GPC6: variants seen among roughly 807,000 people sequenced by gnomAD.
The protein encoded by GPC6 is glypican-6.
GPC6 carries 14 observed loss-of-function variants against 55.2 expected under a neutral mutation model. That is an observed-to-expected ratio of 0.25 (90% CI 0.17 to 0.40). GPC6 has a LOEUF of 0.40. GPC6 is among the 10% of genes least tolerant of loss of function. GPC6 has a pLI of 1.00. For missense variants in GPC6, 641 were observed against 708.5 expected, an observed-to-expected ratio of 0.90 and a Z score of 1.08; for synonymous variants, 278 against 259.6, an observed-to-expected ratio of 1.07 and a Z score of -0.68.
intron 1 of GPC6, among the ~76,000 whole-genome samples, chr13:93,509,079 C>T (rs1227096034): frequency 6.6e-6 from 1 of 152,098 alleles, no homozygotes; most frequent in Non-Finnish European, 1.5e-5. Context: ...GTTCCAGTGA[C>T]TTGAGCACAT....
Position 93,361,255 on chromosome 13 carries a change from G to A in GPC6, c.160+133639G>A, listed in dbSNP as rs1026729116. Among the ~76,000 whole-genome samples, 5 of 152,050 alleles carry A rather than the reference G, an allele frequency of 3.3e-5. No individual in the cohort carries two copies. In the South Asian group the frequency reaches 6.2e-4, roughly 19 times the overall value. On this transcript the variant is annotated intron_variant, in intron 1 of 8. Coordinates refer to ENST00000377047, the MANE Select transcript of GPC6 (RefSeq NM_005708.5). ...CCCTAGGAACCAAGATGAGTTTCCCGCTCAAACAGAGAAAATGTTCAAAAC... is the reference window on the plus strand; with the variant it reads ...CCCTAGGAACCAAGATGAGTTTCCCACTCAAACAGAGAAAATGTTCAAAAC...
At chr13:93,566,643 G>A (rs771958487) in intron 2 of GPC6, among the ~76,000 whole-genome samples, 2 of 151,446 alleles carry the variant, frequency 1.3e-5, no homozygotes, top group African/African-American at 2.4e-5. Context: ...GTAAGCATGT[G>A]CCATGGTGGT....
chr13:93,376,331 CAT>C (rs915729108), intron 1 of GPC6, among the ~76,000 whole-genome samples: 2 of 151,988 alleles, frequency 1.3e-5, no homozygotes, highest in African/African-American at 4.8e-5. Flanking sequence ...AGCATATAGT[CAT>C]ATAAAAGTGA....
At chr13:94,004,984 C>T (rs1222010224) in intron 3 of GPC6, among the ~76,000 whole-genome samples, 1 of 152,092 alleles carries the variant, frequency 6.6e-6, no homozygotes, top group Non-Finnish European at 1.5e-5. Flanking sequence ...ATCGCTTAAA[C>T]CCCAGGGGGA....
At chr13:94,101,586 GGTCT>G (rs1885863066) in intron 4 of GPC6, among the ~76,000 whole-genome samples, 1 of 152,134 alleles carries the variant, frequency 6.6e-6, no homozygotes, top group Non-Finnish European at 1.5e-5. Context: ...TTATATGAAA[GGTCT>G]TATAGTAACA....
At chr13:93,380,343 A>T (rs1409894593) in intron 1 of GPC6, among the ~76,000 whole-genome samples, 2 of 152,126 alleles carry the variant, frequency 1.3e-5, no homozygotes, top group Non-Finnish European at 2.9e-5. Flanking sequence ...GGGGAAATAG[A>T]CTCAGGATAA....
intron 6 of GPC6, among the ~76,000 whole-genome samples, chr13:94,313,479 CTCTT>C (rs1876364092): frequency 6.6e-6 from 1 of 152,144 alleles, no homozygotes; most frequent in Non-Finnish European, 1.5e-5. Context: ...ACATAGACCT[CTCTT>C]TCAGTCCTGG....
intron 2 of GPC6, among the ~76,000 whole-genome samples, chr13:93,672,666 T>TAC (rs1179084338): frequency 2.7e-5 from 4 of 150,708 alleles, no homozygotes; most frequent in Admixed American, 6.7e-5. Context: ...GCCATATATA[T>TAC]ATACACACAC....
chr13:93,298,106 A>G (rs921329346), intron 1 of GPC6, among the ~76,000 whole-genome samples: 5 of 152,206 alleles, frequency 3.3e-5, no homozygotes, highest in African/African-American at 1.2e-4. Context: ...CAGACCAAAA[A>G]TCAGTCACTT....
intron 1 of GPC6, among the ~76,000 whole-genome samples, chr13:93,401,141 G>A (rs564028612): frequency 6.7e-6 from 1 of 148,948 alleles, no homozygotes; most frequent in South Asian, 2.2e-4. Flanking sequence ...AGGCAGAAGG[G>A]CAGAGGTATT....
At chr13:93,677,873 A>G (rs1432269283) in intron 2 of GPC6, among the ~76,000 whole-genome samples, 1 of 152,164 alleles carries the variant, frequency 6.6e-6, no homozygotes, top group Non-Finnish European at 1.5e-5. Context: ...TAAAATGGAT[A>G]ATACTGATAC....
intron 4 of GPC6, among the ~76,000 whole-genome samples, chr13:94,142,102 C>G (rs143750496): frequency 6.6e-6 from 1 of 152,018 alleles, no homozygotes; most frequent in Non-Finnish European, 1.5e-5. Context: ...GTTGCTGTTG[C>G]TCTTTTATGG....
chr13:93,575,143 A>G (rs1377946210), intron 2 of GPC6, among the ~76,000 whole-genome samples: 1 of 152,050 alleles, frequency 6.6e-6, no homozygotes, highest in African/African-American at 2.4e-5. Context: ...AAAATACAAA[A>G]ATTAGCAGGG....
intron 3 of GPC6, among the ~76,000 whole-genome samples, chr13:93,857,922 G>A (rs1888677212): frequency 6.6e-6 from 1 of 151,428 alleles, no homozygotes; most frequent in East Asian, 2.0e-4. Context: ...ATAGATAATG[G>A]GGAAGAGGAA....
At chr13:94,034,120 A>T (rs181543095) in intron 4 of GPC6, among the ~76,000 whole-genome samples, 1 of 152,010 alleles carries the variant, frequency 6.6e-6, no homozygotes, top group East Asian at 1.9e-4. Flanking sequence ...TCTTGTGGGC[A>T]TTTATCATAT....
chr13:93,760,651 C>G (rs1884926016), intron 2 of GPC6, among the ~76,000 whole-genome samples: 1 of 152,176 alleles, frequency 6.6e-6, no homozygotes, highest in Admixed American at 6.6e-5. Context: ...ACCCCAAAGA[C>G]TCACCACTCA....
intron 4 of GPC6, among the ~76,000 whole-genome samples, chr13:94,062,025 C>T (rs891504673): frequency 2.6e-5 from 4 of 152,054 alleles, no homozygotes; most frequent in African/African-American, 9.7e-5. Context: ...TGCTGTAATT[C>T]ATTTCTATAT....
At chr13:94,383,005 C>A (rs185437940) in intron 7 of GPC6, among the ~76,000 whole-genome samples, 201 of 152,176 alleles carry the variant, frequency 1.3e-3, no homozygotes, top group Non-Finnish European at 2.0e-3. Context: ...GGCAACGTAA[C>A]AGAAAATGTC....
At chr13:93,267,587 G>T (rs965650498) in intron 1 of GPC6, among the ~76,000 whole-genome samples, 1 of 151,996 alleles carries the variant, frequency 6.6e-6, no homozygotes, top group Non-Finnish European at 1.5e-5. Flanking sequence ...GGCCCTTTAT[G>T]ATTATAAAGA....
Sources: allele counts gnomAD v4.1 joint callset (sites outside exome capture counted in the v4.1 genomes callset), GRCh38; gene constraint gnomAD v4.1.1; transcripts MANE v1.5; gene names NCBI Gene and HGNC (gene_info 2026-07-23, HGNC 2026-07-21).